The following SLC12A8 variants were observed in gnomAD, a reference collection of about 807,000 sequenced individuals.
The protein encoded by SLC12A8 is solute carrier family 12 member 8.
SLC12A8 carries 69 observed loss-of-function variants against 75.6 expected under a neutral mutation model. The observed-to-expected ratio is 0.91, with a 90% confidence interval of 0.75 to 1.11. The LOEUF (loss-of-function observed/expected upper bound fraction) is 1.11, where lower values mean the gene tolerates loss of function less well. Ranked by LOEUF, SLC12A8 falls within the 50% of genes most tolerant of loss-of-function variation. The pLI is 0.00. For synonymous variants in SLC12A8, 365 were observed against 372.8 expected (o/e 0.98, Z 0.24); for missense variants, 877 against 896.7 (o/e 0.98, Z 0.28).
chr3:125,116,032 A>G (rs1245050757), intron 8 of SLC12A8, among the ~76,000 whole-genome samples: 2 of 152,166 alleles, frequency 1.3e-5, no homozygotes, highest in Non-Finnish European at 2.9e-5. Flanking sequence ...ACTGCCAGTA[A>G]AAACATCTGT....
chr3:125,113,993 A>C (rs577763007), intron 8 of SLC12A8, among the ~76,000 whole-genome samples: 21 of 152,186 alleles, frequency 1.4e-4, no homozygotes, highest in Non-Finnish European at 2.4e-4. Context: ...TGGGGAGTGC[A>C]CCCTAAAAAC....
rs570092437 is a variant in SLC12A8 at position 125,150,002 on chromosome 3, G to A, written c.623-14220C>T. On this transcript the variant is annotated intron_variant, in intron 5 of 13. Transcript: ENST00000469902. ...TAATCCTTAATCTTTCCCCCTTCAG[G>A]TCAAGAATGCCTTTGAGAATCTGGC... Among the ~76,000 whole-genome samples the A allele has an allele frequency of 9.9e-5, 15 of 152,222 alleles. 1 individual carries two copies. The highest frequency in any genetic ancestry group is 3.6e-4 in the African/African-American group (15 of 41,518).
At chr3:125,167,452 A>C (rs1934314244) in intron 5 of SLC12A8, among the ~76,000 whole-genome samples, 1 of 152,308 alleles carries the variant, frequency 6.6e-6, no homozygotes, top group South Asian at 2.1e-4. Context: ...AGCCTTAAAA[A>C]TTTTAACAAG....
chr3:125,127,489 CT>C (rs1179797608), intron 6 of SLC12A8, among the ~76,000 whole-genome samples: 11 of 152,196 alleles, frequency 7.2e-5, no homozygotes, highest in Non-Finnish European at 1.6e-4. Flanking sequence ...GTTTCCTCAT[CT>C]GTAAAATGGG....
At chr3:125,124,365 C>T (rs755391334) in intron 6 of SLC12A8, among the ~76,000 whole-genome samples, 1 of 151,966 alleles carries the variant, frequency 6.6e-6, no homozygotes, top group Non-Finnish European at 1.5e-5. Flanking sequence ...TTCCCTCTGT[C>T]GCCCAAGCTG....
At chr3:125,128,450 G>T (rs1933269088) in intron 6 of SLC12A8, among the ~76,000 whole-genome samples, 1 of 148,904 alleles carries the variant, frequency 6.7e-6, no homozygotes, top group African/African-American at 2.5e-5. Flanking sequence ...AAAGTGCTGG[G>T]ATTACAGGCG....
chr3:125,164,864 C>A (rs952272383), intron 5 of SLC12A8, among the ~76,000 whole-genome samples: 7 of 152,252 alleles, frequency 4.6e-5, no homozygotes, highest in African/African-American at 1.7e-4. Flanking sequence ...TGGGGTGGAG[C>A]TTGGGATTCT....
At chr3:125,111,348 A>G (rs1030033505) in intron 8 of SLC12A8, among the ~76,000 whole-genome samples, 2 of 152,216 alleles carry the variant, frequency 1.3e-5, no homozygotes, top group Admixed American at 6.5e-5. Context: ...GTTACTAGCT[A>G]ACTCAGGGCT....
chr3:125,197,318 G>T (rs968852164), intron 2 of SLC12A8, among the ~76,000 whole-genome samples: 1 of 152,124 alleles, frequency 6.6e-6, no homozygotes, highest in Non-Finnish European at 1.5e-5. Flanking sequence ...TTGAGACAGG[G>T]TCTTGCTCTG....
At chr3:125,091,381 TCCCAATGAA>T in intron 12 of SLC12A8, 49 bp downstream of exon 12, 2 of 1,134,376 alleles carry the variant, frequency 1.8e-6, no homozygotes, top group South Asian at 1.2e-5. Flanking sequence ...ATCTTTTTTT[TCCCAATGAA>T]TGGTAGAGAG....
chr3:125,204,996 G>C (rs182626226), intron 2 of SLC12A8, among the ~76,000 whole-genome samples: 12 of 152,234 alleles, frequency 7.9e-5, no homozygotes, highest in Non-Finnish European at 1.3e-4. Context: ...CCAATGCTGA[G>C]TCTATACCAC....
intron 5 of SLC12A8, chr3:125,155,008 G>A (rs1934016556): frequency 6.6e-6 from 1 of 152,218 alleles, no homozygotes; most frequent in African/African-American, 2.4e-5. Context: ...TGTGTACGGT[G>A]TGGCCACACT....
intron 12 of SLC12A8, among the ~76,000 whole-genome samples, chr3:125,089,242 G>A (rs931900808): frequency 6.6e-6 from 1 of 152,122 alleles, no homozygotes; most frequent in African/African-American, 2.4e-5. Flanking sequence ...ATGGCTAAAG[G>A]GAAGATAAAT....
chr3:125,163,967 G>A (rs2107779527), intron 5 of SLC12A8, among the ~76,000 whole-genome samples: 1 of 152,356 alleles, frequency 6.6e-6, no homozygotes, highest in South Asian at 2.1e-4. Flanking sequence ...TTGGTCCTGA[G>A]CTGAGCGTGT....
intron 10 of SLC12A8, among the ~76,000 whole-genome samples, chr3:125,101,438 A>G (rs1938872854): frequency 6.6e-6 from 1 of 152,226 alleles, no homozygotes; most frequent in Admixed American, 6.5e-5. Context: ...CTTTGTATTT[A>G]TCTCACCTGA....
intron 2 of SLC12A8, among the ~76,000 whole-genome samples, chr3:125,198,528 G>A (rs1042736548): frequency 1.3e-5 from 2 of 152,112 alleles, no homozygotes; most frequent in African/African-American, 2.4e-5. Context: ...AGCTACTCGG[G>A]AGGCTGAGGC....
At chr3:125,118,431 C>T (rs1312798612) in intron 8 of SLC12A8, among the ~76,000 whole-genome samples, 1 of 152,022 alleles carries the variant, frequency 6.6e-6, no homozygotes, top group East Asian at 1.9e-4. Flanking sequence ...TAAGACCAGC[C>T]TGGGCAACAT....
intron 4 of SLC12A8, among the ~76,000 whole-genome samples, chr3:125,179,399 A>C (rs1396152976): frequency 6.6e-6 from 1 of 152,198 alleles, no homozygotes; most frequent in Non-Finnish European, 1.5e-5. Flanking sequence ...GCATTCAATA[A>C]ATACTTTGTG....
intron 3 of SLC12A8, among the ~76,000 whole-genome samples, chr3:125,188,263 C>A (rs1301640834): frequency 6.6e-6 from 1 of 152,204 alleles, no homozygotes; most frequent in Non-Finnish European, 1.5e-5. Flanking sequence ...TCACCTTCCC[C>A]CATGAGTGAA....
Sources: gnomAD v4.1 joint callset for allele counts (sites outside exome capture counted in the v4.1 genomes callset) on GRCh38, gnomAD v4.1.1 for gene constraint, MANE v1.5 for transcripts, NCBI Gene and HGNC (gene_info 2026-07-23, HGNC 2026-07-21) for gene names.